Variants in AKAP7 observed in about 807,000 individuals in gnomAD.
AKAP7 encodes A kinase (PRKA) anchor protein 7.
In AKAP7, 39 loss-of-function variants were observed where a neutral mutation model predicts 39.5. That is an observed-to-expected ratio of 0.99 (90% CI 0.76 to 1.29). The LOEUF (loss-of-function observed/expected upper bound fraction) is 1.29. AKAP7 is among the 50% of genes most tolerant of loss of function. The pLI is 0.00. For synonymous variants in AKAP7, 140 were observed against 139.1 expected (o/e 1.01, Z -0.05); for missense variants, 414 against 407.7 (o/e 1.02, Z -0.13).
intron 7 of AKAP7, 89 bp downstream of exon 7, chr6:131,219,897 A>G (rs1233182850): frequency 3.2e-6 from 3 of 934,484 alleles, no homozygotes; most frequent in African/African-American, 3.5e-5. Flanking sequence ...ACTTAGTTGT[A>G]TACGTTTTTC....
chr6:131,281,387 T>A lies in AKAP7; in HGVS notation c.851-143T>A. On this transcript the variant is annotated intron_variant, in intron 7 of 7. Coordinates refer to ENST00000431975, the MANE Select transcript of AKAP7 (RefSeq NM_016377.4). This position sits in a 1 kb window ranked among gnomAD's most constrained non-coding sequence, Gnocchi z 4.0. ...GGCTCCTGCTTCTGCAAATACCAAATGAAAAGCCAACCCACTGTTCTTGAA... is the reference window on the plus strand; with the variant it reads ...GGCTCCTGCTTCTGCAAATACCAAAAGAAAAGCCAACCCACTGTTCTTGAA... The A allele has an allele frequency of 1.6e-6, 1 of 607,976 alleles. No individual in the cohort carries two copies. Among genetic ancestry groups the A allele is most frequent in the Admixed American group, 3.8e-5 (1 of 26,352 alleles). The allele number at this position is 607,976 out of a possible 1,614,324, so 37.7% of individuals were successfully genotyped here.
At chr6:131,183,236 C>T (rs1805457035) in intron 5 of AKAP7, among the ~76,000 whole-genome samples, 1 of 152,190 alleles carries the variant, frequency 6.6e-6, no homozygotes, top group South Asian at 2.1e-4. Context: ...CTGGCATGCA[C>T]TGGCCCCCCA....
At chr6:131,270,386 C>G (rs1322943709) in intron 7 of AKAP7, among the ~76,000 whole-genome samples, 2 of 152,172 alleles carry the variant, frequency 1.3e-5, no homozygotes, top group Non-Finnish European at 2.9e-5. Context: ...TGTATTGTTG[C>G]CTGTATCAGT....
chr6:131,178,404 CTAT>C (rs748388698), intron 5 of AKAP7, among the ~76,000 whole-genome samples: 1 of 152,174 alleles, frequency 6.6e-6, no homozygotes, highest in Non-Finnish European at 1.5e-5. Flanking sequence ...TAGATGGTAA[CTAT>C]TATTATTAAT....
At chr6:131,255,593 A>G (rs1476130884) in intron 7 of AKAP7, among the ~76,000 whole-genome samples, 2 of 152,176 alleles carry the variant, frequency 1.3e-5, no homozygotes, top group African/African-American at 4.8e-5. Flanking sequence ...TTAAAAACAT[A>G]TGGCCCATTG....
chr6:131,135,519 T>A lies in AKAP7; in HGVS notation c.-245T>A, dbSNP rs1562852530. The A allele has an allele frequency of 6.1e-6, 1 of 164,958 alleles. No homozygotes were observed. Among genetic ancestry groups the A allele is most frequent in the Non-Finnish European group, 1.2e-5 (1 of 80,474 alleles). The allele number at this position is 164,958 out of a possible 1,614,324, so 10.2% of individuals were successfully genotyped here. A position where few individuals can be genotyped will look rare whatever the true frequency, so the allele number is the denominator to read the frequency against. ...ATGCGGGTGCTGCGGCTGCTGCGGC[T>A]GCCGCCGCCGCTGCTGCCGCTGCCG... On this transcript the variant is annotated 5_prime_UTR_variant, in exon 1 of 8. Coordinates refer to ENST00000431975, the MANE Select transcript of AKAP7 (RefSeq NM_016377.4).
intron 7 of AKAP7, among the ~76,000 whole-genome samples, chr6:131,229,591 C>T (rs1014492316): frequency 5.9e-5 from 9 of 152,090 alleles, no homozygotes; most frequent in Admixed American, 6.6e-5. Context: ...TCAAATTATC[C>T]ACCTTGGCCT....
chr6:131,126,226 T>A, the AKAP7 span, among the ~76,000 whole-genome samples: 2 of 152,252 alleles, frequency 1.3e-5, no homozygotes, highest in Non-Finnish European at 2.9e-5. Context: ...AATACTGTAA[T>A]TGAATATGCT....
At chr6:131,251,500 T>C (rs1354913914) in intron 7 of AKAP7, among the ~76,000 whole-genome samples, 1 of 152,188 alleles carries the variant, frequency 6.6e-6, no homozygotes, top group East Asian at 1.9e-4. Flanking sequence ...CTGGTTCAGA[T>C]ACTGAAAGAT....
chr6:131,206,474 G>A (rs575145280), intron 6 of AKAP7, among the ~76,000 whole-genome samples: 4 of 152,292 alleles, frequency 2.6e-5, no homozygotes, highest in East Asian at 3.9e-4. Flanking sequence ...TGATGATGAT[G>A]TTGAGGGGAG....
intron 7 of AKAP7, among the ~76,000 whole-genome samples, chr6:131,246,429 C>G (rs1812012959): frequency 6.6e-6 from 1 of 152,134 alleles, no homozygotes; most frequent in African/African-American, 2.4e-5. Context: ...AGTATCATAT[C>G]AGATATTTTT....
chr6:131,173,185 A>AG (rs1225171292), intron 5 of AKAP7, among the ~76,000 whole-genome samples: 11 of 147,336 alleles, frequency 7.5e-5, no homozygotes, highest in African/African-American at 2.8e-4. Context: ...TAGGTGACAG[A>AG]GCGAGACTCC....
intron 5 of AKAP7, among the ~76,000 whole-genome samples, chr6:131,190,878 C>T (rs530663489): frequency 5.3e-5 from 8 of 152,232 alleles, no homozygotes; most frequent in Admixed American, 1.3e-4. Context: ...CCTTCTTCTT[C>T]TTGTGCTGAA....
chr6:131,176,028 C>T (rs989283502), intron 5 of AKAP7, among the ~76,000 whole-genome samples: 30 of 152,250 alleles, frequency 2.0e-4, no homozygotes, highest in African/African-American at 7.0e-4. Flanking sequence ...GTTAATCTGT[C>T]TTTTTTATGG....
At chr6:131,220,725 C>T (rs934650459) in intron 7 of AKAP7, among the ~76,000 whole-genome samples, 33 of 152,222 alleles carry the variant, frequency 2.2e-4, no homozygotes, top group African/African-American at 7.9e-4. Context: ...TTTCTAACAG[C>T]ATGTGCTCTT....
intron 7 of AKAP7, among the ~76,000 whole-genome samples, chr6:131,264,866 A>G (rs2128329241): frequency 6.6e-6 from 1 of 152,228 alleles, no homozygotes; most frequent in South Asian, 2.1e-4. Context: ...GGAGCAAGAG[A>G]GGGACTGGTG....
intron 5 of AKAP7, among the ~76,000 whole-genome samples, chr6:131,190,015 G>A (rs534590803): frequency 1.3e-5 from 2 of 152,134 alleles, no homozygotes; most frequent in African/African-American, 4.8e-5. Flanking sequence ...GATGAAAAAT[G>A]ACATGTAGGT....
intron 5 of AKAP7, among the ~76,000 whole-genome samples, chr6:131,195,340 C>A (rs1456341706): frequency 6.6e-6 from 1 of 152,090 alleles, no homozygotes; most frequent in Non-Finnish European, 1.5e-5. Context: ...TTAACTTTGT[C>A]TTCTCACTTG....
At position 131,241,577 on chromosome 6, in the gene AKAP7, ATGTGTGTGTGTGTGTGTG is replaced by A. The variant is rs749601887; in HGVS notation, c.850+21803_850+21820del. 6.0e-4 allele frequency among the ~76,000 whole-genome samples: 49 copies of A among 81,290 alleles called. No individual in the cohort carries two copies. The East Asian group carries it at 7.0e-3, about 12-fold the overall frequency. The allele number at this position is 81,290 out of a possible 152,430, so 53.3% of individuals were successfully genotyped here. ...GAGGTCCAGGACATAGATTATATAT[ATGTGTGTGTGTGTGTGTG>A]TGTGTGTGTGTGTGTGTGTGTGTGT... On this transcript the variant is annotated intron_variant, in intron 7 of 7. Transcript: ENST00000431975.
Sources: gnomAD v4.1 joint callset for allele counts (sites outside exome capture counted in the v4.1 genomes callset) on GRCh38, gnomAD v4.1.1 for gene constraint, Gnocchi (gnomAD v3.1) non-coding constraint, MANE v1.5 for transcripts, NCBI Gene and HGNC (gene_info 2026-07-23, HGNC 2026-07-21) for gene names.